Variants in CEBPZ observed in about 807,000 individuals in gnomAD.
CEBPZ encodes CCAAT/enhancer-binding protein zeta.
Under a neutral mutation model 104.5 loss-of-function variants are expected in CEBPZ, and 78 were observed. The observed-to-expected ratio is 0.75, with a 90% confidence interval of 0.62 to 0.90. The LOEUF is 0.90. CEBPZ is among the 40% of genes least tolerant of loss of function. CEBPZ has a pLI of 0.00. For synonymous variants in CEBPZ, 470 were observed against 427.0 expected, an observed-to-expected ratio of 1.10 and a Z score of -1.24; for missense variants, 1,439 against 1,233.5, an observed-to-expected ratio of 1.17 and a Z score of -2.50.
At chr2:37,223,621 G>C (rs1398455508) in intron 2 of CEBPZ, among the ~76,000 whole-genome samples, 1 of 152,188 alleles carries the variant, frequency 6.6e-6, no homozygotes, top group East Asian at 1.9e-4. Context: ...CACAGGAATA[G>C]GCATTTTTGA....
Position 37,228,615 on chromosome 2 carries a change from G to C in CEBPZ, c.578C>G (p.Ser193Cys), listed in dbSNP as rs201042392. ...WYDLEYSNEY[S>C]LKPQPQDVVS... Reference sequence around the variant, plus strand: ...AACATCCTGAGGCTGGGGTTTCAAAGAATATTCATTGCTGTACTCCAGATC... The same window carrying C: ...AACATCCTGAGGCTGGGGTTTCAAACAATATTCATTGCTGTACTCCAGATC... Residue 193 changes from serine (S) to cysteine (C), a missense_variant, in exon 2 of 16, where the codon TCT becomes TGT. By Grantham distance (112) the Ser-to-Cys change is moderately radical (BLOSUM62 -1). Coordinates refer to ENST00000234170, the MANE Select transcript of CEBPZ (RefSeq NM_005760.3). The C allele has an allele frequency of 6.8e-6, 11 of 1,614,060 alleles. No individual in the cohort carries two copies. Among genetic ancestry groups the C allele is most frequent in the Middle Eastern group, 1.6e-4 (1 of 6,084 alleles).
intron 13 of CEBPZ, among the ~76,000 whole-genome samples, chr2:37,205,022 C>G (rs557433701): frequency 7.9e-5 from 12 of 152,282 alleles, no homozygotes; most frequent in Admixed American, 2.6e-4. Context: ...TATATCTCAT[C>G]TTATGCTAAT....
chr2:37,212,486 G>C, intron 10 of CEBPZ, 94 bp from the exon 11 acceptor site: 1 of 1,094,356 alleles, frequency 9.1e-7, no homozygotes, highest in Non-Finnish European at 1.4e-6. Context: ...TCATGATTCT[G>C]CTGTTTATGA....
At chr2:37,201,973 T>C (rs1428090996) in intron 15 of CEBPZ, 70 bp from the exon 16 acceptor site, 1 of 1,464,814 alleles carries the variant, frequency 6.8e-7, no homozygotes, top group African/African-American at 1.4e-5. Flanking sequence ...CAGAACATGC[T>C]GCTGAGTCAC....
At position 37,211,988 on chromosome 2, in the gene CEBPZ, A is replaced by C. The variant is rs754257607; in HGVS notation, c.2655T>G (p.Asp885Glu). 4.8e-5 allele frequency: 77 copies of C among 1,611,844 alleles called. No homozygotes were observed. Among genetic ancestry groups the C allele is most frequent in the Non-Finnish European group, 5.9e-5 (69 of 1,179,434 alleles). The change falls in exon 12 of 16, where the codon GAT becomes GAG. Residue 885 changes from aspartate to glutamate, a missense_variant. Transcript: ENST00000234170. ...CAAGTTCATCATCACTACCTTCTGA[A>C]TCTTCATCTAATGTGTTATCCTTAG... ...KGAKDNTLDE[D>E]SEGSDDELGN...
chr2:37,215,319 A>G (rs1677842170), intron 8 of CEBPZ: 1 of 158,014 alleles, frequency 6.3e-6, no homozygotes, highest in South Asian at 2.0e-4. Flanking sequence ...TGTCATTTTC[A>G]GCTCAAAAAA....
In CEBPZ at chr2:37,208,309, C is replaced by T. The variant is rs529784760; in HGVS notation, c.2884+2690G>A. ...CTAAATCATTCAATGAAGCCAATATCGCCCTAATTCCAAAATCAGGAAATG... is the reference window on the plus strand; with the variant it reads ...CTAAATCATTCAATGAAGCCAATATTGCCCTAATTCCAAAATCAGGAAATG... On this transcript the variant is annotated intron_variant, in intron 13 of 15. Coordinates refer to ENST00000234170, the MANE Select transcript of CEBPZ (RefSeq NM_005760.3). 7.2e-5 allele frequency among the ~76,000 whole-genome samples: 11 copies of T among 152,156 alleles called. No individual in the cohort carries two copies. In the South Asian group the frequency reaches 1.5e-3, roughly 20 times the overall value.
Position 37,202,334 on chromosome 2 carries a change from T to C in CEBPZ, c.3026-431A>G, listed in dbSNP as rs548304147. 2.8e-3 allele frequency: 449 copies of C among 161,064 alleles called. 4 individuals are homozygous for C. Among genetic ancestry groups the C allele is most frequent in the African/African-American group, 0.01 (426 of 41,626 alleles). The allele number at this position is 161,064 out of a possible 1,614,324, so 10.0% of individuals were successfully genotyped here. On this transcript the variant is annotated intron_variant, in intron 15 of 15. Coordinates refer to ENST00000234170, the MANE Select transcript of CEBPZ (RefSeq NM_005760.3). ...ATTCCTTTCAGGTTGTAAAGTACCA[T>C]GAAAAGGTCTTTCAAAAATATTCCT...
chr2:37,213,924 GT>G lies in CEBPZ; in HGVS notation c.2484del (p.Lys828AsnfsTer9). ...TCTATACTTTCTTCATCTGCATCCC[GT>G]TTTTGTTTCTCTTTAACAGCAACTT... Reference protein sequence around the residue: ...YKKVAVKEKQKRDADEESIED... With the variant: ...YKKVAVKEKQXRDADEESIED... On this transcript the variant is annotated frameshift_variant, in exon 10 of 16. Transcript: ENST00000234170. LOFTEE classifies it high-confidence loss of function. 6.3e-7 allele frequency: 1 copy of G among 1,588,646 alleles called. No homozygotes were observed. The highest frequency in any genetic ancestry group is 8.5e-7 in the Non-Finnish European group (1 of 1,171,856).
rs745689233 is a variant in CEBPZ, at chr2:37,223,403, T to G, written c.1650-2A>C. ...ATCAACCCTGGATCCAACATCTTCC[T>G]GCAAAACAAAACCAAGGTCAAATAT... On this transcript the variant is annotated splice_acceptor_variant, in intron 2 of 15. Transcript: ENST00000234170. LOFTEE classifies it high-confidence loss of function. 6.2e-7 allele frequency: 1 copy of G among 1,612,862 alleles called. No homozygotes were observed. Among genetic ancestry groups the G allele is most frequent in the Non-Finnish European group, 8.5e-7 (1 of 1,179,188 alleles).
In CEBPZ at chr2:37,231,409, T is replaced by A. The variant is rs948842056; in HGVS notation, c.156+3A>T. 3 of 1,613,812 alleles carry A rather than the reference T, an allele frequency of 1.9e-6. No individual in the cohort carries two copies. The highest frequency in any genetic ancestry group is 2.5e-6 in the Non-Finnish European group (3 of 1,179,942). ...CCCGTTCCCCGGAGCCCGCGGCCGTTACCTTGGTGCCTCCGAGCCGTAACA... is the reference window on the plus strand; with the variant it reads ...CCCGTTCCCCGGAGCCCGCGGCCGTAACCTTGGTGCCTCCGAGCCGTAACA... On this transcript the variant is annotated splice_donor_region_variant and intron_variant, in intron 1 of 15. Transcript: ENST00000234170.
rs367950632 is a variant in CEBPZ at position 37,231,573 on chromosome 2, G to C, written c.-6C>G. The C allele has an allele frequency of 1.1e-5, 18 of 1,614,224 alleles. 1 individual carries two copies. In the South Asian group the frequency reaches 2.0e-4, roughly 18 times the overall value. ...GGCTCCTTGACTGCGGCCATGGCGGGCAAAGCATACGCGCGTGAAACTCAG... is the reference window on the plus strand; with the variant it reads ...GGCTCCTTGACTGCGGCCATGGCGGCCAAAGCATACGCGCGTGAAACTCAG... On this transcript the variant is annotated 5_prime_UTR_variant, in exon 1 of 16. Transcript: ENST00000234170.
intron 3 of CEBPZ, 58 bp from the exon 4 acceptor site, chr2:37,222,621 C>T (rs1196571646): frequency 7.8e-7 from 1 of 1,280,718 alleles, no homozygotes; most frequent in Non-Finnish European, 1.1e-6. Context: ...GCAATAAAGT[C>T]TGTGCTCCAT....
chr2:37,224,254 C>T, intron 2 of CEBPZ, among the ~76,000 whole-genome samples: 1 of 152,212 alleles, frequency 6.6e-6, no homozygotes, highest in East Asian at 1.9e-4. Context: ...CTACTTTGAT[C>T]TCATGATACT....
chr2:37,216,343 G>T lies in CEBPZ; in HGVS notation c.2284C>A (p.Arg762=). ...LMRFLDRFVY[R]NPKPHKGKEN... is the part of the protein sequence containing the mutation. ...TTGCCTTTATGGGGCTTTGGATTTCGGTATACAAATCGATCCAAAAATCTC... is the reference window on the plus strand; with the variant it reads ...TTGCCTTTATGGGGCTTTGGATTTCTGTATACAAATCGATCCAAAAATCTC... The change falls in exon 7 of 16, where the codon CGA becomes AGA. Residue 762 remains arginine (R), a synonymous_variant. Coordinates refer to ENST00000234170, the MANE Select transcript of CEBPZ (RefSeq NM_005760.3). 6.2e-7 allele frequency: 1 copy of T among 1,613,566 alleles called. No homozygotes were observed. Among genetic ancestry groups the T allele is most frequent in the Non-Finnish European group, 8.5e-7 (1 of 1,179,774 alleles).
intron 2 of CEBPZ, among the ~76,000 whole-genome samples, chr2:37,223,997 T>C (rs1225099652): frequency 6.6e-6 from 1 of 152,212 alleles, no homozygotes; most frequent in Admixed American, 6.5e-5. Flanking sequence ...GTCCACAGTA[T>C]CCAAAATTGG....
At chr2:37,202,053 T>C (rs1350868273) in intron 15 of CEBPZ, 150 bp from the exon 16 acceptor site, 6 of 506,732 alleles carry the variant, frequency 1.2e-5, no homozygotes, top group Non-Finnish European at 1.7e-5. Context: ...GTTTGTTGCT[T>C]TTCTTCTCAT....
intron 4 of CEBPZ, among the ~76,000 whole-genome samples, chr2:37,221,216 T>C (rs1393479872): frequency 1.3e-5 from 2 of 152,036 alleles, no homozygotes; most frequent in African/African-American, 4.8e-5. Flanking sequence ...CCTGGGAGGC[T>C]GAGGTGGGAG....
intron 15 of CEBPZ, 67 bp downstream of exon 15, chr2:37,202,716 TC>T: frequency 1.8e-6 from 1 of 549,494 alleles, no homozygotes; most frequent in East Asian, 4.3e-5. Context: ...AACGAAAATT[TC>T]CTATCTTCTG....
Sources: gnomAD v4.1 joint callset for allele counts (sites outside exome capture counted in the v4.1 genomes callset) on GRCh38, gnomAD v4.1.1 for gene constraint, MANE v1.5 for transcripts, NCBI Gene and HGNC (gene_info 2026-07-23, HGNC 2026-07-21) for gene names.